Variants in SYNPO2 observed in about 807,000 individuals in gnomAD.
SYNPO2 encodes synaptopodin-2.
In SYNPO2, 56 loss-of-function variants were observed where a neutral mutation model predicts 85.0. That is an observed-to-expected ratio of 0.66 (90% confidence interval 0.53 to 0.82). The LOEUF (loss-of-function observed/expected upper bound fraction) is 0.82. SYNPO2 is among the 40% of genes least tolerant of loss of function. The pLI, the probability that SYNPO2 is intolerant of heterozygous loss-of-function variation, is 0.00. For missense variants in SYNPO2, 1,575 were observed against 1,534.2 expected (o/e 1.03, Z -0.44); for synonymous variants, 602 against 591.1 (o/e 1.02, Z -0.27).
intron 1 of SYNPO2, among the ~76,000 whole-genome samples, chr4:118,882,199 A>C (rs1732117609): frequency 6.6e-6 from 1 of 152,242 alleles, no homozygotes; most frequent in Admixed American, 6.5e-5. Context: ...CAACAAAAAA[A>C]TACATTATTT....
Position 119,057,902 on chromosome 4 carries a change from C to G in SYNPO2, c.3754C>G (p.Pro1252Ala). Reference protein sequence around the residue: ...CLPVADYNYNPHPRGWRRQT With the variant: ...CLPVADYNYNAHPRGWRRQT Reference sequence around the variant, plus strand: ...TCCAGTAGCTGATTACAACTACAACCCACACCCAAGGGGATGGAGACGCCA... The same window carrying G: ...TCCAGTAGCTGATTACAACTACAACGCACACCCAAGGGGATGGAGACGCCA... The change falls in exon 5 of 5, where the codon CCA (proline) becomes GCA (alanine). Residue 1252 changes from proline (P) to alanine (A), a missense_variant. Pro to Ala is a conservative substitution (Grantham distance 27). This residue lies in a region of SYNPO2 where 1,508 missense variants were observed against 1,446.8 expected (regional missense o/e 1.04). Transcript: ENST00000307142. 6.2e-7 allele frequency: 1 copy of G among 1,613,888 alleles called. No homozygotes were observed. The highest frequency in any genetic ancestry group is 8.5e-7 in the Non-Finnish European group (1 of 1,179,940).
At chr4:118,899,129 C>T (rs1425472799) in intron 1 of SYNPO2, among the ~76,000 whole-genome samples, 1 of 152,162 alleles carries the variant, frequency 6.6e-6, no homozygotes, top group Non-Finnish European at 1.5e-5. Flanking sequence ...CTGTTTCCTC[C>T]ATTAGACCAG....
intron 4 of SYNPO2, among the ~76,000 whole-genome samples, chr4:119,039,811 C>CT (rs140791331): frequency 0.02 from 3,035 of 152,098 alleles, 110 homozygotes; most frequent in African/African-American, 0.069. Context: ...GAAGACAAGA[C>CT]TTTTTTTTAA....
intron 1 of SYNPO2, among the ~76,000 whole-genome samples, chr4:118,940,495 A>AT (rs11456694): frequency 0.75 from 113,514 of 151,378 alleles, 44,240 homozygotes; most frequent in South Asian, 0.89. Flanking sequence ...GCAAGCTTTC[A>AT]TTTTTTTTTC....
At chr4:118,919,742 T>C (rs1733471210) in intron 1 of SYNPO2, among the ~76,000 whole-genome samples, 1 of 152,142 alleles carries the variant, frequency 6.6e-6, no homozygotes, top group Admixed American at 6.6e-5. Flanking sequence ...GAGGAGAGAA[T>C]CACAGAAAGT....
chr4:118,995,862 TTATCTATCTATC>T (rs34223926), intron 1 of SYNPO2, among the ~76,000 whole-genome samples: 189 of 148,424 alleles, frequency 1.3e-3, no homozygotes, highest in African/African-American at 2.4e-3. Context: ...TCTATTTATC[TTATCTATCTATC>T]TATCTATCTA....
intron 4 of SYNPO2, chr4:119,036,424 T>A: frequency 1.0e-6 from 1 of 985,482 alleles, no homozygotes; most frequent in Non-Finnish European, 1.2e-6. Flanking sequence ...CAAAGATGCC[T>A]GTGACACTTT....
At chr4:118,890,166 C>G (rs1732314526) in intron 1 of SYNPO2, among the ~76,000 whole-genome samples, 1 of 147,116 alleles carries the variant, frequency 6.8e-6, no homozygotes, top group South Asian at 2.1e-4. Flanking sequence ...CTGCCTTTTA[C>G]GTTTTTTTTT....
chr4:119,033,266 C>A, intron 4 of SYNPO2: 1 of 985,360 alleles, frequency 1.0e-6, no homozygotes, highest in Non-Finnish European at 1.2e-6. Flanking sequence ...GTTTGCTTTG[C>A]TTTTTGACAA....
intron 1 of SYNPO2, among the ~76,000 whole-genome samples, chr4:118,957,062 TA>T (rs978551507): frequency 6.7e-6 from 1 of 150,326 alleles, no homozygotes; most frequent in South Asian, 2.1e-4. Context: ...ATAAAAAAAA[TA>T]AAAAAAATAA....
chr4:118,938,546 T>C (rs1578567551), intron 1 of SYNPO2, among the ~76,000 whole-genome samples: 1 of 152,178 alleles, frequency 6.6e-6, no homozygotes, highest in East Asian at 1.9e-4. Flanking sequence ...AATAGCTATT[T>C]CTTGAATAAT....
intron 1 of SYNPO2, among the ~76,000 whole-genome samples, chr4:118,972,064 T>A (rs1322786286): frequency 6.6e-6 from 1 of 152,246 alleles, no homozygotes; most frequent in Admixed American, 6.5e-5. Context: ...AAATTCTATG[T>A]AGGAGTTATC....
At chr4:118,916,296 C>A (rs1012654905) in intron 1 of SYNPO2, among the ~76,000 whole-genome samples, 2 of 151,734 alleles carry the variant, frequency 1.3e-5, no homozygotes, top group African/African-American at 2.4e-5. Flanking sequence ...CCTCAGTCTC[C>A]TGAGTAGCTG....
intron 3 of SYNPO2, 107 bp from the exon 4 acceptor site, chr4:119,029,738 T>C: frequency 7.7e-7 from 1 of 1,294,038 alleles, no homozygotes; most frequent in East Asian, 2.4e-5. Context: ...TCAATGGCAA[T>C]TTTTTACATA....
chr4:118,926,671 G>A (rs183997024), intron 1 of SYNPO2, among the ~76,000 whole-genome samples: 1 of 152,238 alleles, frequency 6.6e-6, no homozygotes, highest in East Asian at 1.9e-4. Context: ...ATCAGTTAAA[G>A]CAAAGAAAAG....
upstream of SYNPO2, among the ~76,000 whole-genome samples, chr4:118,884,984 T>C (rs1732173106): frequency 6.6e-6 from 1 of 152,150 alleles, no homozygotes; most frequent in African/African-American, 2.4e-5. Context: ...GTCGGGAAAG[T>C]CCTCCTGGAG....
rs541040009 is a variant in SYNPO2 at position 119,024,692 on chromosome 4, A to T, written c.257+1111A>T. Among the ~76,000 whole-genome samples, 268 of 152,304 alleles carry T rather than the reference A, an allele frequency of 1.8e-3. 2 individuals carry two copies. Among genetic ancestry groups the T allele is most frequent in the African/African-American group, 6.0e-3 (248 of 41,580 alleles). The stretch of plus-strand genomic sequence containing the variant: ...CATAATTAAATTTATAAAATAAAAA[A>T]AATTACAAAGTAAGTAACTAATTGG... On this transcript the variant is annotated intron_variant, in intron 2 of 4. Coordinates refer to ENST00000307142, the MANE Select transcript of SYNPO2 (RefSeq NM_133477.3).
chr4:119,013,805 C>T (rs1041691189), intron 1 of SYNPO2, among the ~76,000 whole-genome samples: 1 of 152,144 alleles, frequency 6.6e-6, no homozygotes, highest in African/African-American at 2.4e-5. Flanking sequence ...CCAAATGTAA[C>T]AAAATCACAC....
intron 1 of SYNPO2, among the ~76,000 whole-genome samples, chr4:119,010,408 C>A (rs916764370): frequency 6.6e-6 from 1 of 152,162 alleles, no homozygotes; most frequent in Admixed American, 6.5e-5. Context: ...AAAGCAGAAA[C>A]CCCTGACAAA....
Sources: gnomAD v4.1 joint callset for allele counts (sites outside exome capture counted in the v4.1 genomes callset) on GRCh38, gnomAD v4.1.1 for gene constraint, gnomAD v4.1.1 regional missense constraint, MANE v1.5 for transcripts, NCBI Gene and HGNC (gene_info 2026-07-23, HGNC 2026-07-21) for gene names.